SLK: variants seen among roughly 807,000 people sequenced by gnomAD.
SLK encodes the protein STE20-like serine/threonine-protein kinase.
In SLK, 67 loss-of-function variants were observed where a neutral mutation model predicts 147.7. The ratio of observed to expected loss-of-function variants is 0.45; its 90% confidence interval spans 0.37 to 0.56. The LOEUF is 0.56. Ranked by LOEUF, SLK falls within the 20% of genes least tolerant of loss-of-function variation. The pLI is 0.00. For missense variants in SLK, 1,136 were observed against 1,438.8 expected (o/e 0.79, Z 3.41); for synonymous variants, 441 against 475.0 (o/e 0.93, Z 0.93).
chr10:104,003,352 A>T lies in SLK; in HGVS notation c.2174A>T (p.Glu725Val). Residue 725 changes from glutamate to valine, a missense_variant, in exon 9 of 19, where the codon GAA (glutamate) becomes GTA (valine). By Grantham distance (121) the Glu-to-Val change is moderately radical. This residue lies in a region of SLK where 516 missense variants were observed against 531.3 expected (regional missense o/e 0.97). Coordinates refer to ENST00000369755, the MANE Select transcript of SLK (RefSeq NM_014720.4). ...TCTGACAGTGGAGAAAATAAAGAAG[A>T]AATAGGTTCTTTATCAAAAACTGAA... ...INSDSGENKE[E>V]IGSLSKTETI... The T allele has an allele frequency of 6.2e-7, 1 of 1,613,838 alleles. No individual in the cohort carries two copies. Among genetic ancestry groups the T allele is most frequent in the Non-Finnish European group, 8.5e-7 (1 of 1,179,744 alleles).
chr10:103,979,001 A>T (rs1244999735), intron 1 of SLK, among the ~76,000 whole-genome samples: 2 of 62,166 alleles, frequency 3.2e-5, no homozygotes, highest in African/African-American at 5.7e-5. Flanking sequence ...GGAAATCAAG[A>T]TATTTTATTA....
intron 18 of SLK, among the ~76,000 whole-genome samples, chr10:104,024,849 C>A (rs1337696541): frequency 6.6e-6 from 1 of 152,180 alleles, no homozygotes; most frequent in Non-Finnish European, 1.5e-5. Context: ...CGACTTCTCA[C>A]CGTGTCCTCA....
chr10:104,019,221 T>A (rs1241757502), intron 15 of SLK: 1 of 219,894 alleles, frequency 4.5e-6, no homozygotes, highest in African/African-American at 2.3e-5. Context: ...AAGTATGGAC[T>A]CCTTGTACTT....
At chr10:104,009,403 A>T (rs1844370832) in intron 12 of SLK, among the ~76,000 whole-genome samples, 1 of 152,142 alleles carries the variant, frequency 6.6e-6, no homozygotes, top group Admixed American at 6.5e-5. Flanking sequence ...GATTTGCTTT[A>T]AAAAGGGTAG....
rs1844624812 is a variant in SLK, at chr10:104,028,325, C to A, written c.*2605C>A. On this transcript the variant is annotated 3_prime_UTR_variant, in exon 19 of 19. Transcript: ENST00000369755. The stretch of plus-strand genomic sequence containing the variant: ...GAGTGCTGTGAACACAGCAGACCTG[C>A]ACACTTCTGCAGATCCAGCTCCTAC... 6.6e-6 allele frequency: 1 copy of A among 152,262 alleles called. No individual in the cohort carries two copies. Among genetic ancestry groups the A allele is most frequent in the African/African-American group, 2.4e-5 (1 of 41,454 alleles). 9.4% of individuals were successfully genotyped at this position (152,262 alleles called of 1,614,324 possible). A position where few individuals can be genotyped will look rare whatever the true frequency, so the allele number is the denominator to read the frequency against.
At chr10:103,998,667 G>C (rs889961273) in intron 4 of SLK, among the ~76,000 whole-genome samples, 1 of 152,192 alleles carries the variant, frequency 6.6e-6, no homozygotes, top group Non-Finnish European at 1.5e-5. Flanking sequence ...GTCATCTGAA[G>C]ATAAGGTGGT....
At position 103,990,749 on chromosome 10, in the gene SLK, T is replaced by C; in HGVS notation, c.225T>C (p.Asp75=). 2 of 1,574,758 alleles carry C rather than the reference T, an allele frequency of 1.3e-6. No homozygotes were observed. Among genetic ancestry groups the C allele is most frequent in the African/African-American group, 2.8e-5 (2 of 72,666 alleles). ...CTAAATCTGAAGAAGAACTTGAAGA[T>C]TACATGGTAGAGATTGACATATTAG... is the stretch of plus-strand genomic sequence containing the variant. ...IDTKSEEELE[D]YMVEIDILAS... is the part of the protein sequence containing the mutation. The change falls in exon 2 of 19, where the codon GAT becomes GAC. Residue 75 remains aspartate (D), a synonymous_variant. Transcript: ENST00000369755.
At chr10:103,995,423 CTTTTTTTT>C (rs756975426) in intron 4 of SLK, among the ~76,000 whole-genome samples, 17 of 67,690 alleles carry the variant, frequency 2.5e-4, no homozygotes, top group Admixed American at 7.5e-4. Flanking sequence ...TCTTTCTTTT[CTTTTTTTT>C]TTTTTTTTTT....
Position 103,993,137 on chromosome 10 carries a change from A to T in SLK, c.514+4A>T, listed in dbSNP as rs1270676303. On this transcript the variant is annotated splice_donor_region_variant and intron_variant, in intron 4 of 18. Coordinates refer to ENST00000369755, the MANE Select transcript of SLK (RefSeq NM_014720.4). ...TTAGATGGAGATATCAAATTGGGTAAGTTATTCACTTAAATAAAACATTAG... is the reference window on the plus strand; with the variant it reads ...TTAGATGGAGATATCAAATTGGGTATGTTATTCACTTAAATAAAACATTAG... 6 of 1,587,588 alleles carry T rather than the reference A, an allele frequency of 3.8e-6. No individual in the cohort carries two copies. Among genetic ancestry groups the T allele is most frequent in the Non-Finnish European group, 3.4e-6 (4 of 1,165,398 alleles).
chr10:103,999,359 G>A, intron 6 of SLK, 46 bp downstream of exon 6: 4 of 1,369,160 alleles, frequency 2.9e-6, no homozygotes, highest in Non-Finnish European at 4.0e-6. Context: ...AATGATACTA[G>A]GAAGCAGAAC....
Position 103,998,943 on chromosome 10 carries a change from A to C in SLK, c.559A>C (p.Arg187=), listed in dbSNP as rs765631089. 4 of 1,611,532 alleles carry C rather than the reference A, an allele frequency of 2.5e-6. No individual in the cohort carries two copies. The highest frequency in any genetic ancestry group is 2.2e-5 in the South Asian group (2 of 90,950). Residue 187 remains arginine, a synonymous_variant, in exon 5 of 19, where the codon AGA becomes CGA. Coordinates refer to ENST00000369755, the MANE Select transcript of SLK (RefSeq NM_014720.4). ...SAKNTRTIQR[R]DSFIGTPYWM... The stretch of plus-strand genomic sequence containing the variant: ...TAAAAACACGAGGACAATTCAAAGA[A>C]GAGATTCCTTTATTGGTACACCATA...
chr10:104,019,122 C>T, intron 15 of SLK: 1 of 434,828 alleles, frequency 2.3e-6, no homozygotes, highest in Non-Finnish European at 4.1e-6. Flanking sequence ...TAACTAATTA[C>T]AATGCTTAAA....
intron 1 of SLK, among the ~76,000 whole-genome samples, chr10:103,971,349 A>G (rs1042954186): frequency 1.3e-5 from 2 of 152,068 alleles, no homozygotes; most frequent in Admixed American, 6.5e-5. Context: ...ATCTCGGCTC[A>G]CTGCAACCTC....
rs556350347 is a variant in SLK at position 103,976,646 on chromosome 10, T to C, written c.150+8751T>C. 3.9e-5 allele frequency among the ~76,000 whole-genome samples: 6 copies of C among 152,300 alleles called. No homozygotes were observed. The South Asian group carries it at 1.2e-3, about 32-fold the overall frequency. ...TACCACAAAATTCACCCATATAATT[T>C]TGTGAGTTTTAGTAAATCTGTATAG... is the stretch of plus-strand genomic sequence containing the variant. On this transcript the variant is annotated intron_variant, in intron 1 of 18. Coordinates refer to ENST00000369755, the MANE Select transcript of SLK (RefSeq NM_014720.4).
At chr10:104,023,137 T>A (rs1190510896) in intron 18 of SLK, among the ~76,000 whole-genome samples, 1 of 152,220 alleles carries the variant, frequency 6.6e-6, no homozygotes, top group Admixed American at 6.5e-5. Flanking sequence ...CTGTTCTCCT[T>A]AAAAGTCTTG....
chr10:103,989,467 T>TTTTTTC (rs1169491991), intron 1 of SLK, among the ~76,000 whole-genome samples: 4 of 80,352 alleles, frequency 5.0e-5, no homozygotes, highest in Non-Finnish European at 1.1e-4. Flanking sequence ...GCAGTTTCTT[T>TTTTTTC]TTTTTTTTTT....
chr10:103,999,805 AGTTTT>A, intron 6 of SLK, 57 bp from the exon 7 acceptor site: 1 of 685,312 alleles, frequency 1.5e-6, no homozygotes, highest in Admixed American at 2.5e-5. Flanking sequence ...CTTATCAAAG[AGTTTT>A]GTTTAATTTG....
chr10:103,976,299 G>A (rs891192004), intron 1 of SLK, among the ~76,000 whole-genome samples: 1 of 152,060 alleles, frequency 6.6e-6, no homozygotes, highest in Non-Finnish European at 1.5e-5. Context: ...ATATATACCG[G>A]GAAGGAATTT....
chr10:103,970,919 T>C (rs920956045), intron 1 of SLK, among the ~76,000 whole-genome samples: 3 of 152,220 alleles, frequency 2.0e-5, no homozygotes, highest in African/African-American at 7.2e-5. Flanking sequence ...ACATCTGAAA[T>C]TGAAAATGCT....
Sources: gnomAD v4.1 joint callset for allele counts (sites outside exome capture counted in the v4.1 genomes callset) on GRCh38, gnomAD v4.1.1 for gene constraint, gnomAD v4.1.1 regional missense constraint, MANE v1.5 for transcripts, NCBI Gene and HGNC (gene_info 2026-07-23, HGNC 2026-07-21) for gene names.